The following SEC63 variants were observed in gnomAD, a reference collection of about 807,000 sequenced individuals.
SEC63 encodes translocation protein SEC63 homolog.
A neutral mutation model predicts 116.2 loss-of-function variants in SEC63; 56 were observed. That is an observed-to-expected ratio of 0.48 (90% CI 0.39 to 0.60). The LOEUF (loss-of-function observed/expected upper bound fraction) is 0.60, where lower values mean the gene tolerates loss of function less well. SEC63 is among the 20% of genes least tolerant of loss of function. The pLI, the probability that SEC63 is intolerant of heterozygous loss-of-function variation, is 0.00. For missense variants in SEC63, 668 were observed against 900.0 expected (o/e 0.74, Z 3.30); for synonymous variants, 273 against 294.6 (o/e 0.93, Z 0.75).
In SEC63 at chr6:107,949,531, A is replaced by C. The variant is rs575800649; in HGVS notation, c.124+8355T>G. 4.6e-5 allele frequency among the ~76,000 whole-genome samples: 7 copies of C among 152,306 alleles called. No homozygotes were observed. In the East Asian group the frequency reaches 1.2e-3, roughly 25 times the overall value. ...TGCAAAGAAATGTAAACATTTCACT[A>C]CAAAAAAAATCAGCTAAACAAAAAA... On this transcript the variant is annotated intron_variant, in intron 1 of 20. Transcript: ENST00000369002.
chr6:107,958,176 C>G lies in SEC63; in HGVS notation c.-167G>C. The G allele has an allele frequency of 2.9e-6, 3 of 1,034,466 alleles. No homozygotes were observed. Among genetic ancestry groups the G allele is most frequent in the African/African-American group, 1.6e-5 (1 of 63,362 alleles). 64.1% of individuals were successfully genotyped at this position (1,034,466 alleles called of 1,614,324 possible). On this transcript the variant is annotated 5_prime_UTR_variant, in exon 1 of 21. Transcript: ENST00000369002. ...ACGGACACGCCGCCGCCACCTCTGC[C>G]GCTGCCGCCGCCGTCGCCAGCTCTC... is the stretch of plus-strand genomic sequence containing the variant.
At chr6:107,905,709 G>C (rs1401500575) in intron 10 of SEC63, among the ~76,000 whole-genome samples, 1 of 152,096 alleles carries the variant, frequency 6.6e-6, no homozygotes, top group Non-Finnish European at 1.5e-5. Context: ...TGGTTGTTGT[G>C]AAATCCATTT....
At chr6:107,941,593 T>G (rs1770376988) in intron 1 of SEC63, among the ~76,000 whole-genome samples, 1 of 152,116 alleles carries the variant, frequency 6.6e-6, no homozygotes, top group Non-Finnish European at 1.5e-5. Flanking sequence ...ATAGTAATCA[T>G]TAATACCATT....
chr6:107,917,437 C>T (rs147834834), intron 4 of SEC63, among the ~76,000 whole-genome samples: 216 of 152,072 alleles, frequency 1.4e-3, no homozygotes, highest in African/African-American at 4.8e-3. Flanking sequence ...GAGCTGGTCT[C>T]GGCGGGCCTC....
chr6:107,947,464 T>TCGGGAGGCTGAGG (rs1370436934), intron 1 of SEC63, among the ~76,000 whole-genome samples: 2 of 151,904 alleles, frequency 1.3e-5, no homozygotes, highest in Non-Finnish European at 2.9e-5. Flanking sequence ...TTCTAGCTAC[T>TCGGGAGGCTGAGG]CGGGAGGCTG....
chr6:107,881,046 A>T, intron 18 of SEC63, 103 bp downstream of exon 18: 1 of 814,840 alleles, frequency 1.2e-6, no homozygotes, highest in South Asian at 1.3e-5. Context: ...CACATTTAGC[A>T]CATATGAACT....
chr6:107,898,786 T>C lies in SEC63; in HGVS notation c.1358-1055A>G, dbSNP rs552510734. ...ATTCATTTTTTCTACAGATTTTATA[T>C]GTAAGATAGTTCTTCTTACATGTTT... On this transcript the variant is annotated intron_variant, in intron 13 of 20. Coordinates refer to ENST00000369002, the MANE Select transcript of SEC63 (RefSeq NM_007214.5). Among the ~76,000 whole-genome samples, 16 of 151,310 alleles carry C rather than the reference T, an allele frequency of 1.1e-4. No individual in the cohort carries two copies. The South Asian group carries it at 2.9e-3, about 27-fold the overall frequency.
At chr6:107,916,726 T>A (rs1787408397) in intron 4 of SEC63, among the ~76,000 whole-genome samples, 1 of 152,252 alleles carries the variant, frequency 6.6e-6, no homozygotes, top group Non-Finnish European at 1.5e-5. Flanking sequence ...GTTATAGTGA[T>A]ATGTGATCTT....
At chr6:107,898,687 CTA>C (rs1181850607) in intron 13 of SEC63, among the ~76,000 whole-genome samples, 1 of 152,080 alleles carries the variant, frequency 6.6e-6, no homozygotes, top group African/African-American at 2.4e-5. Context: ...AAAAACTCTA[CTA>C]TAAAGTTAAT....
chr6:107,877,954 T>G (rs1786318936), intron 18 of SEC63, among the ~76,000 whole-genome samples: 1 of 152,240 alleles, frequency 6.6e-6, no homozygotes, highest in Admixed American at 6.5e-5. Flanking sequence ...AATTAAATTC[T>G]GCTTAAACCG....
chr6:107,944,678 G>A (rs1432253919), intron 1 of SEC63, among the ~76,000 whole-genome samples: 1 of 148,198 alleles, frequency 6.7e-6, no homozygotes, highest in Non-Finnish European at 1.5e-5. Flanking sequence ...ACCTAGATCA[G>A]AGTAAAACTC....
In SEC63 at chr6:107,913,362, A is replaced by G. The variant is rs762572681; in HGVS notation, c.514+4T>C. ...CAATATTTTAAAATCATCATTTACC[A>G]CACCTTGAGGCCCATCTGGATTTCC... is the stretch of plus-strand genomic sequence containing the variant. On this transcript the variant is annotated splice_donor_region_variant and intron_variant, in intron 5 of 20. Transcript: ENST00000369002. 1 of 1,572,714 alleles carries G rather than the reference A, an allele frequency of 6.4e-7. No homozygotes were observed. The highest frequency in any genetic ancestry group is 1.7e-5 in the Admixed American group (1 of 59,954).
chr6:107,901,847 C>A (rs1374248569), intron 12 of SEC63, among the ~76,000 whole-genome samples: 1 of 151,920 alleles, frequency 6.6e-6, no homozygotes, highest in Non-Finnish European at 1.5e-5. Context: ...ATTTTAATAA[C>A]AAAAACCTTT....
intron 3 of SEC63, among the ~76,000 whole-genome samples, chr6:107,922,113 A>G (rs1269773975): frequency 6.6e-6 from 1 of 152,238 alleles, no homozygotes; most frequent in Admixed American, 6.5e-5. Context: ...TGTCCAATAT[A>G]TGTATTTTAT....
intron 4 of SEC63, among the ~76,000 whole-genome samples, chr6:107,918,245 CA>C (rs34044690): frequency 0.86 from 126,174 of 147,138 alleles, 53,983 homozygotes; most frequent in Middle Eastern, 0.91. Flanking sequence ...GAGACCTGCT[CA>C]AAAAAAAAAA....
At chr6:107,874,445 A>T (rs978696124) in intron 19 of SEC63, among the ~76,000 whole-genome samples, 3 of 151,864 alleles carry the variant, frequency 2.0e-5, no homozygotes, top group African/African-American at 7.3e-5. Flanking sequence ...AAATATAAAA[A>T]ATTAGCTGGG....
Position 107,902,900 on chromosome 6 carries a change from G to A in SEC63, c.1153C>T (p.Leu385=). The part of the protein sequence containing the change: ...QGLQQFKSPL[L]QLPHIEEDNL... ...TCCTCTTCAATATGAGGGAGCTGCA[G>A]AAGGGGAGACTTAAATTGCTGAAGT... Residue 385 remains leucine (L), a synonymous_variant, in exon 12 of 21, where the codon CTG becomes TTG. Transcript: ENST00000369002. 1 of 1,613,844 alleles carries A rather than the reference G, an allele frequency of 6.2e-7. No individual in the cohort carries two copies. Among genetic ancestry groups the A allele is most frequent in the Non-Finnish European group, 8.5e-7 (1 of 1,179,752 alleles).
Position 107,922,012 on chromosome 6 carries a change from C to T in SEC63, c.340-103G>A, listed in dbSNP as rs1036042858. The T allele has an allele frequency of 4.1e-5, 28 of 685,792 alleles. No homozygotes were observed. The Admixed American group carries it at 6.6e-4, about 16-fold the overall frequency. The allele number at this position is 685,792 out of a possible 1,614,324, so 42.5% of individuals were successfully genotyped here. Reference sequence around the variant, plus strand: ...TATTTTGAACTTAAAATATGAACTACTCAGTATTTTGAGAAAGACAAAATC... The same window carrying T: ...TATTTTGAACTTAAAATATGAACTATTCAGTATTTTGAGAAAGACAAAATC... On this transcript the variant is annotated intron_variant, in intron 3 of 20. Coordinates refer to ENST00000369002, the MANE Select transcript of SEC63 (RefSeq NM_007214.5).
chr6:107,923,315 T>C (rs1360896845), intron 3 of SEC63, among the ~76,000 whole-genome samples: 1 of 152,180 alleles, frequency 6.6e-6, no homozygotes, highest in East Asian at 1.9e-4. Flanking sequence ...GGTTTCCCTA[T>C]GTTGCCCAGG....
Sources: gnomAD v4.1 joint callset for allele counts (sites outside exome capture counted in the v4.1 genomes callset) on GRCh38, gnomAD v4.1.1 for gene constraint, MANE v1.5 for transcripts, NCBI Gene and HGNC (gene_info 2026-07-23, HGNC 2026-07-21) for gene names.